The following DLG4 variants were observed in gnomAD, a reference collection of about 807,000 sequenced individuals.
DLG4 encodes discs large MAGUK scaffold protein 4.
DLG4 carries 7 observed loss-of-function variants against 93.8 expected under a neutral mutation model. The observed-to-expected ratio is 0.07, with a 90% confidence interval of 0.04 to 0.14. The LOEUF (loss-of-function observed/expected upper bound fraction) is 0.14, where lower values mean the gene tolerates loss of function less well. Among genes scored for constraint, DLG4 ranks in the 10% least tolerant of loss-of-function variants. The pLI is 1.00. For missense variants in DLG4, 545 were observed against 992.9 expected (o/e 0.55, Z 6.06); for synonymous variants, 341 against 387.6 (o/e 0.88, Z 1.41).
upstream of DLG4, chr17:7,219,768 G>A (rs2071091173): frequency 6.7e-6 from 10 of 1,482,740 alleles, no homozygotes; most frequent in South Asian, 5.3e-5. Context: ...AAGGAGTTTG[G>A]GGGAGACGAG....
chr17:7,218,216 T>C, upstream of DLG4: 2 of 1,600,010 alleles, frequency 1.2e-6, no homozygotes, highest in East Asian at 4.5e-5. Flanking sequence ...CTCAGGAAGT[T>C]AGGCGCTCGC....
chr17:7,197,696 G>C (rs747498577), intron 8 of DLG4, among the ~76,000 whole-genome samples: 1 of 152,114 alleles, frequency 6.6e-6, no homozygotes, highest in Admixed American at 6.5e-5. Flanking sequence ...TGTTGTCCAG[G>C]CTGGTCTGGA....
At position 7,189,133 on chromosome 17, in the gene DLG4, G is replaced by C. The variant is rs2069373130; in HGVS notation, c.*1575C>G. ...TCTCAAAAAAAAAAAAAAAAGGGTG[G>C]GGGGGGCGCATAAAGAAACCTAGCG... On this transcript the variant is annotated 3_prime_UTR_variant, in exon 20 of 20. Coordinates refer to ENST00000399506, the MANE Select transcript of DLG4 (RefSeq NM_001321075.3). 6.7e-6 allele frequency among the ~76,000 whole-genome samples: 1 copy of C among 148,650 alleles called. No individual in the cohort carries two copies. The highest frequency in any genetic ancestry group is 2.1e-4 in the South Asian group (1 of 4,698).
chr17:7,213,271 T>G (rs925752979), intron 1 of DLG4, among the ~76,000 whole-genome samples: 4 of 151,962 alleles, frequency 2.6e-5, no homozygotes, highest in African/African-American at 9.7e-5. Flanking sequence ...CTAATTTTTT[T>G]GTATTTTTAG....
intron 2 of DLG4, among the ~76,000 whole-genome samples, chr17:7,207,017 G>C (rs2070493903): frequency 1.3e-5 from 2 of 152,100 alleles, no homozygotes; most frequent in Admixed American, 1.3e-4. Context: ...GAGAATGGAA[G>C]GTCCCAGAAA....
chr17:7,203,937 C>A lies in DLG4; in HGVS notation c.210+71G>T, dbSNP rs2142887455. 1 of 1,590,082 alleles carries A rather than the reference C, an allele frequency of 6.3e-7. No homozygotes were observed. Among genetic ancestry groups the A allele is most frequent in the Non-Finnish European group, 8.6e-7 (1 of 1,167,942 alleles). On this transcript the variant is annotated intron_variant, in intron 4 of 19. Transcript: ENST00000399506. This position sits in a 1 kb window ranked among gnomAD's most constrained non-coding sequence, Gnocchi z 7.2. ...AGGCACAGGGTGAGGGGCTAGCCACCCAGACCACATGGCAGAAAGAAAGGT... is the reference window on the plus strand; with the variant it reads ...AGGCACAGGGTGAGGGGCTAGCCACACAGACCACATGGCAGAAAGAAAGGT...
In DLG4 at chr17:7,193,739, A is replaced by G; in HGVS notation, c.1544-25T>C. The G allele has an allele frequency of 1.2e-6, 2 of 1,603,536 alleles. No individual in the cohort carries two copies. The highest frequency in any genetic ancestry group is 1.7e-6 in the Non-Finnish European group (2 of 1,174,158). The stretch of plus-strand genomic sequence containing the variant: ...CCTGGTGGGAGGTGGGGCATCTGCA[A>G]GGGGCTCTGAAACAGGGGACCTGGA... On this transcript the variant is annotated intron_variant, in intron 14 of 19. Transcript: ENST00000399506. The surrounding 1 kb of genome is among the most constrained non-coding windows in gnomAD (Gnocchi z 6.7).
At chr17:7,198,938 C>T (rs1343611473) in intron 8 of DLG4, among the ~76,000 whole-genome samples, 2 of 151,974 alleles carry the variant, frequency 1.3e-5, no homozygotes, top group Admixed American at 1.3e-4. Flanking sequence ...ATCGCTTGAG[C>T]CCAGGAGGCG....
In DLG4 at chr17:7,196,092, C is replaced by A; in HGVS notation, c.1301+128G>T. The A allele has an allele frequency of 1.5e-6, 1 of 654,454 alleles. No homozygotes were observed. The allele number at this position is 654,454 out of a possible 1,614,324, so 40.5% of individuals were successfully genotyped here. A position where few individuals can be genotyped will look rare whatever the true frequency, so the allele number is the denominator to read the frequency against. ...CAGCCAAGCCCATGAACCCTGGCTGCGCCTCAGGCCTGGGGTGGGGAGCTA... is the reference window on the plus strand; with the variant it reads ...CAGCCAAGCCCATGAACCCTGGCTGAGCCTCAGGCCTGGGGTGGGGAGCTA... On this transcript the variant is annotated intron_variant, in intron 11 of 19. Coordinates refer to ENST00000399506, the MANE Select transcript of DLG4 (RefSeq NM_001321075.3). The surrounding 1 kb of genome is among the most constrained non-coding windows in gnomAD (Gnocchi z 8.3).
intron 1 of DLG4, among the ~76,000 whole-genome samples, chr17:7,212,271 G>A (rs1038893460): frequency 2.6e-5 from 4 of 152,070 alleles, no homozygotes; most frequent in Admixed American, 2.6e-4. Context: ...AACCAGCATA[G>A]TTCTCCCCTG....
Position 7,196,923 on chromosome 17 carries a change from T to C in DLG4, c.917A>G (p.Asp306Gly). Reference sequence around the variant, plus strand: ...AATTCGCCTCGGTTCTCGGGGAATGTCTTCCTCCCCGAGCAGGTCCTTGGC... The same window carrying C: ...AATTCGCCTCGGTTCTCGGGGAATGCCTTCCTCCCCGAGCAGGTCCTTGGC... ...PVAKDLLGEE[D>G]IPREPRRIVI... The change falls in exon 9 of 20, where the codon GAC becomes GGC. Residue 306 changes from aspartate (D) to glycine (G), a missense_variant. Coordinates refer to ENST00000399506, the MANE Select transcript of DLG4 (RefSeq NM_001321075.3). This position sits in a 1 kb window ranked among gnomAD's most constrained non-coding sequence, Gnocchi z 8.3. 1 of 1,613,790 alleles carries C rather than the reference T, an allele frequency of 6.2e-7. No individual in the cohort carries two copies. Among genetic ancestry groups the C allele is most frequent in the South Asian group, 1.1e-5 (1 of 91,018 alleles).
At chr17:7,205,048 C>A in intron 2 of DLG4, 2 of 985,570 alleles carry the variant, frequency 2.0e-6, no homozygotes, top group Non-Finnish European at 2.4e-6. Flanking sequence ...GCCTCTCCTG[C>A]CCTGGGCCCC....
rs902696376 is a variant in DLG4, at chr17:7,196,647, G to A, written c.1084-72C>T. 6.3e-7 allele frequency: 1 copy of A among 1,594,846 alleles called. No individual in the cohort carries two copies. Among genetic ancestry groups the A allele is most frequent in the African/African-American group, 1.3e-5 (1 of 74,532 alleles). ...CTTCTGGGTCCAGGTGGAGCAGGGAGTGGTCCCGCAAGAGGACTCGGCTGC... is the reference window on the plus strand; with the variant it reads ...CTTCTGGGTCCAGGTGGAGCAGGGAATGGTCCCGCAAGAGGACTCGGCTGC... On this transcript the variant is annotated intron_variant, in intron 9 of 19. Coordinates refer to ENST00000399506, the MANE Select transcript of DLG4 (RefSeq NM_001321075.3). This position sits in a 1 kb window ranked among gnomAD's most constrained non-coding sequence, Gnocchi z 8.3.
At position 7,193,365 on chromosome 17, in the gene DLG4, C is replaced by T; in HGVS notation, c.1693+118G>A. On this transcript the variant is annotated intron_variant, in intron 16 of 19. Coordinates refer to ENST00000399506, the MANE Select transcript of DLG4 (RefSeq NM_001321075.3). The surrounding 1 kb of genome is among the most constrained non-coding windows in gnomAD (Gnocchi z 6.7). ...TGAGAAGCACCCCTTCTCGGAGAAA[C>T]CCTGTATCTCCCTACACACCGATCC... 8.9e-7 allele frequency: 1 copy of T among 1,127,606 alleles called. No homozygotes were observed. Among genetic ancestry groups the T allele is most frequent in the Non-Finnish European group, 1.2e-6 (1 of 809,762 alleles). 69.9% of individuals were successfully genotyped at this position (1,127,606 alleles called of 1,614,324 possible).
rs544870230 is a variant in DLG4, at chr17:7,189,138, G to T, written c.*1570C>A. Reference sequence around the variant, plus strand: ...AAAAAAAAAAAAAAAGGGTGGGGGGGGCGCATAAAGAAACCTAGCGTATAT... The same window carrying T: ...AAAAAAAAAAAAAAAGGGTGGGGGGTGCGCATAAAGAAACCTAGCGTATAT... On this transcript the variant is annotated 3_prime_UTR_variant, in exon 20 of 20. Coordinates refer to ENST00000399506, the MANE Select transcript of DLG4 (RefSeq NM_001321075.3). Among the ~76,000 whole-genome samples the T allele has an allele frequency of 1.1e-4, 16 of 148,754 alleles. No homozygotes were observed. Among genetic ancestry groups the T allele is most frequent in the South Asian group, 6.4e-4 (3 of 4,692 alleles).
chr17:7,196,775 C>T lies in DLG4; in HGVS notation c.1065G>A (p.Lys355=). ...GPADLSGELR[K]GDQILSVNGV... ...CCCTCACCGACAGGATCTGGTCCCCCTTCCGCAGCTCCCCACTGAGGTCTG... is the reference window on the plus strand; with the variant it reads ...CCCTCACCGACAGGATCTGGTCCCCTTTCCGCAGCTCCCCACTGAGGTCTG... Residue 355 remains lysine, a synonymous_variant, in exon 9 of 20, where the codon AAG becomes AAA. Coordinates refer to ENST00000399506, the MANE Select transcript of DLG4 (RefSeq NM_001321075.3). The surrounding 1 kb of genome is among the most constrained non-coding windows in gnomAD (Gnocchi z 8.3). 1 of 1,608,934 alleles carries T rather than the reference C, an allele frequency of 6.2e-7. No homozygotes were observed. The highest frequency in any genetic ancestry group is 8.5e-7 in the Non-Finnish European group (1 of 1,177,662).
chr17:7,220,035 C>T (rs376733533), upstream of DLG4: 40 of 1,604,580 alleles, frequency 2.5e-5, no homozygotes, highest in Non-Finnish European at 3.3e-5. Flanking sequence ...TGCTGAGGCT[C>T]GGGGGCGGAA....
At chr17:7,219,606 C>A, upstream of DLG4, 2 of 1,177,176 alleles carry the variant, frequency 1.7e-6, no homozygotes. Context: ...CTTCTCTTTC[C>A]CTACTTTTCC....
chr17:7,215,009 T>C (rs1457821773), intron 1 of DLG4, among the ~76,000 whole-genome samples: 2 of 152,158 alleles, frequency 1.3e-5, no homozygotes, highest in Non-Finnish European at 2.9e-5. Context: ...CCCTACCCCA[T>C]CCAGCATTTG....
Sources: gnomAD v4.1 joint callset for allele counts (sites outside exome capture counted in the v4.1 genomes callset) on GRCh38, gnomAD v4.1.1 for gene constraint, Gnocchi (gnomAD v3.1) non-coding constraint, MANE v1.5 for transcripts, NCBI Gene and HGNC (gene_info 2026-07-23, HGNC 2026-07-21) for gene names.